Variants in NCR1 observed in about 807,000 individuals in gnomAD.
NCR1 encodes natural cytotoxicity triggering receptor 1.
A neutral mutation model predicts 32.5 loss-of-function variants in NCR1; 30 were observed. That is an observed-to-expected ratio of 0.92 (90% CI 0.69 to 1.25). The LOEUF (loss-of-function observed/expected upper bound fraction) is 1.25. Ranked by LOEUF, NCR1 falls within the 50% of genes most tolerant of loss-of-function variation. The probability of loss-of-function intolerance (pLI) is 0.00; values close to 1 mark genes in which losing one functional copy is unlikely to be tolerated. For synonymous variants in NCR1, 169 were observed against 143.4 expected (o/e 1.18, Z -1.28); for missense variants, 369 against 380.7 (o/e 0.97, Z 0.26).
At chr19:54,937,977 A>C in the NCR1 span, 1 of 1,296,358 alleles carries the variant, frequency 7.7e-7, no homozygotes, top group South Asian at 1.2e-5. Flanking sequence ...TCCAAATTTA[A>C]AAAACAAAAG....
the NCR1 span, chr19:54,927,912 T>C: frequency 1.3e-6 from 1 of 758,998 alleles, no homozygotes; most frequent in Admixed American, 1.9e-5. Flanking sequence ...GCCAACACGG[T>C]CAAACCCCAT....
At chr19:54,930,787 C>G in the NCR1 span, 1 of 820,176 alleles carries the variant, frequency 1.2e-6, no homozygotes, top group Non-Finnish European at 2.1e-6. Context: ...GCACTCTTGG[C>G]TCACTGCAAC....
At chr19:54,925,538 G>C in the NCR1 span, among the ~76,000 whole-genome samples, 1 of 151,786 alleles carries the variant, frequency 6.6e-6, no homozygotes, top group African/African-American at 2.4e-5. Context: ...GTGCACAGTG[G>C]CTCACGCCTG....
the NCR1 span, chr19:54,923,448 A>G: frequency 2.1e-6 from 1 of 485,306 alleles, no homozygotes; most frequent in South Asian, 2.1e-5. Context: ...TTCCTCCTAG[A>G]CAAAGCACAG....
downstream of NCR1, among the ~76,000 whole-genome samples, chr19:54,915,423 T>A (rs2068112747): frequency 6.6e-6 from 1 of 152,054 alleles, no homozygotes; most frequent in Non-Finnish European, 1.5e-5. Context: ...GTCAAATTTA[T>A]TCTCTAAATC....
downstream of NCR1, chr19:54,915,608 C>CA (rs1203035857): frequency 6.6e-6 from 1 of 152,044 alleles, no homozygotes. Context: ...GCCGAGATTG[C>CA]ACCACTGCAC....
At position 54,906,642 on chromosome 19, in the gene NCR1, G is replaced by T. The variant is rs772227066; in HGVS notation, c.190G>T (p.Gly64Ter). 6.2e-6 allele frequency: 10 copies of T among 1,614,116 alleles called. No homozygotes were observed. The highest frequency in any genetic ancestry group is 5.9e-6 in the Non-Finnish European group (7 of 1,180,052). ...GAVEYQLHFEGSLFAVDRPKP... is the reference protein window; with the variant it reads ...GAVEYQLHFE The stretch of plus-strand genomic sequence containing the variant: ...TGTTGAATACCAGCTGCACTTTGAA[G>T]GAAGCCTTTTTGCCGTGGACAGACC... The change falls in exon 3 of 7, where the codon GGA (glycine) becomes TGA (stop). Residue 64 changes from glycine (G) to a stop codon, truncating the protein, a stop_gained. Coordinates refer to ENST00000291890, the MANE Select transcript of NCR1 (RefSeq NM_004829.7). LOFTEE classifies it high-confidence loss of function.
At chr19:54,904,531 C>CTTTTCTTTTTTTTTTTTTTT (rs1221694096), upstream of NCR1, among the ~76,000 whole-genome samples, 4 of 118,992 alleles carry the variant, frequency 3.4e-5, no homozygotes, top group Admixed American at 9.2e-5. Context: ...GTTTTCTTTT[C>CTTTTCTTTTTTTTTTTTTTT]TTTTTTTTTT....
At chr19:54,907,485 CT>C (rs34400827) in intron 3 of NCR1, among the ~76,000 whole-genome samples, 94,816 of 136,864 alleles carry the variant, frequency 0.69, 33,737 homozygotes, top group Non-Finnish European at 0.8. Context: ...AAAAAATTAG[CT>C]TTTTTTTTTT....
Position 54,909,261 on chromosome 19 carries a change from C to T in NCR1, c.372C>T (p.Pro124=), listed in dbSNP as rs587755795. Residue 124 remains proline, a synonymous_variant, in exon 4 of 7, where the codon CCC becomes CCT. Transcript: ENST00000291890. ...CTCTCATAGAAATGTATGACACACC[C>T]ACCCTCTCGGTTCATCCTGGACCCG... ...DLVVTEMYDT[P]TLSVHPGPEV... 5 of 1,612,934 alleles carry T rather than the reference C, an allele frequency of 3.1e-6. No individual in the cohort carries two copies. Among genetic ancestry groups the T allele is most frequent in the African/African-American group, 2.7e-5 (2 of 74,984 alleles).
the NCR1 span, among the ~76,000 whole-genome samples, chr19:54,926,587 C>G: frequency 6.6e-6 from 1 of 152,144 alleles, no homozygotes; most frequent in South Asian, 2.1e-4. Context: ...TGAGACCAAC[C>G]TGACCAACAT....
chr19:54,925,096 C>G, the NCR1 span, among the ~76,000 whole-genome samples: 1 of 152,088 alleles, frequency 6.6e-6, no homozygotes, highest in Non-Finnish European at 1.5e-5. Context: ...TGTGGAGACA[C>G]TGGCTTGCTA....
Position 54,906,626 on chromosome 19 carries a change from C to T in NCR1, c.174C>T (p.Tyr58=), listed in dbSNP as rs768989350. The change falls in exon 3 of 7, where the codon TAC becomes TAT. Residue 58 remains tyrosine (Y), a synonymous_variant. Coordinates refer to ENST00000291890, the MANE Select transcript of NCR1 (RefSeq NM_004829.7). ...CCQGNYGAVE[Y]QLHFEGSLFA... is the part of the protein sequence containing the mutation. ...AGGGAAATTATGGGGCTGTTGAATACCAGCTGCACTTTGAAGGAAGCCTTT... is the reference window on the plus strand; with the variant it reads ...AGGGAAATTATGGGGCTGTTGAATATCAGCTGCACTTTGAAGGAAGCCTTT... 4 of 1,614,088 alleles carry T rather than the reference C, an allele frequency of 2.5e-6. No homozygotes were observed. In the African/African-American group the frequency reaches 5.3e-5, roughly 22 times the overall value.
upstream of NCR1, among the ~76,000 whole-genome samples, chr19:54,903,135 GAAAAA>G (rs975297638): frequency 7.0e-6 from 1 of 143,866 alleles, no homozygotes; most frequent in South Asian, 2.2e-4. Flanking sequence ...GTCTTAAAGA[GAAAAA>G]AAAAAGAATT....
rs1256151954 is a variant in NCR1 at position 54,912,761 on chromosome 19, C to G, written c.805C>G (p.Leu269Val). 6.2e-7 allele frequency: 1 copy of G among 1,614,016 alleles called. No individual in the cohort carries two copies. The change falls in exon 7 of 7, where the codon CTA becomes GTA. Residue 269 changes from leucine (L) to valine (V), a missense_variant. Physicochemically the swap from Leu to Val is conservative, Grantham distance 32 (BLOSUM62 1). Transcript: ENST00000291890. ...MGLAFLVLVA[L>V]VWFLVEDWLS... ...CCTGGCCTTTCTAGTCCTGGTGGCTCTAGTGTGGTTCCTGGTTGAAGACTG... is the reference window on the plus strand; with the variant it reads ...CCTGGCCTTTCTAGTCCTGGTGGCTGTAGTGTGGTTCCTGGTTGAAGACTG...
At chr19:54,931,451 A>G in the NCR1 span, among the ~76,000 whole-genome samples, 1 of 152,128 alleles carries the variant, frequency 6.6e-6, no homozygotes, top group African/African-American at 2.4e-5. Flanking sequence ...GCACTTTGGG[A>G]GGCTGAGGCA....
upstream of NCR1, among the ~76,000 whole-genome samples, chr19:54,903,276 A>G (rs2067333924): frequency 6.7e-6 from 1 of 150,108 alleles, no homozygotes; most frequent in Non-Finnish European, 1.5e-5. Flanking sequence ...GTATATATAT[A>G]TGTATATACA....
At position 54,909,934 on chromosome 19, in the gene NCR1, C is replaced by CAG. The variant is rs1352422751; in HGVS notation, c.635-83_635-82insGA. The CAG allele has an allele frequency of 1.3e-4, 79 of 611,430 alleles. No homozygotes were observed. The African/African-American group carries it at 2.8e-3, about 22-fold the overall frequency. 37.9% of individuals were successfully genotyped at this position (611,430 alleles called of 1,614,324 possible). A position where few individuals can be genotyped will look rare whatever the true frequency, so the allele number is the denominator to read the frequency against. Reference sequence around the variant, plus strand: ...TGGGCGACAGAGCAAGACTCCATCTCAAAAAAAAAAAAAAAAAAAAAAGAA... The same window carrying CAG: ...TGGGCGACAGAGCAAGACTCCATCTCAGAAAAAAAAAAAAAAAAAAAAAAGAA... On this transcript the variant is annotated intron_variant, in intron 4 of 6. Coordinates refer to ENST00000291890, the MANE Select transcript of NCR1 (RefSeq NM_004829.7).
At chr19:54,936,130 A>C in the NCR1 span, 9 of 772,818 alleles carry the variant, frequency 1.2e-5, no homozygotes, top group Non-Finnish European at 1.8e-5. Context: ...ACTCCCCCAC[A>C]CAGGCCTGTT....
Sources: gnomAD v4.1 joint callset for allele counts (sites outside exome capture counted in the v4.1 genomes callset) on GRCh38, gnomAD v4.1.1 for gene constraint, MANE v1.5 for transcripts, NCBI Gene and HGNC (gene_info 2026-07-23, HGNC 2026-07-21) for gene names.